The following PDGFD variants were observed in gnomAD, a reference collection of about 807,000 sequenced individuals.
PDGFD encodes the protein platelet derived growth factor D.
PDGFD carries 30 observed loss-of-function variants against 44.7 expected under a neutral mutation model. The ratio of observed to expected loss-of-function variants is 0.67; its 90% CI spans 0.50 to 0.91. The LOEUF (loss-of-function observed/expected upper bound fraction) is 0.91. Ranked by LOEUF, PDGFD falls within the 40% of genes least tolerant of loss-of-function variation. The pLI, the probability that PDGFD is intolerant of heterozygous loss-of-function variation, is 0.00. For synonymous variants in PDGFD, 173 were observed against 168.4 expected (o/e 1.03, Z -0.21); for missense variants, 445 against 457.8 (o/e 0.97, Z 0.25).
intron 1 of PDGFD, among the ~76,000 whole-genome samples, chr11:104,153,888 G>C (rs553772913): frequency 6.6e-6 from 1 of 152,036 alleles, no homozygotes; most frequent in Non-Finnish European, 1.5e-5. Flanking sequence ...GAGAAGCAGT[G>C]AGAAAAGTGA....
chr11:104,066,970 C>T (rs951030632), intron 1 of PDGFD, among the ~76,000 whole-genome samples: 4 of 152,126 alleles, frequency 2.6e-5, no homozygotes, highest in African/African-American at 9.7e-5. Flanking sequence ...TTATTGTGGA[C>T]CAAATATGGT....
At chr11:104,087,452 C>G (rs1308904187) in intron 1 of PDGFD, among the ~76,000 whole-genome samples, 1 of 152,116 alleles carries the variant, frequency 6.6e-6, no homozygotes, top group African/African-American at 2.4e-5. Flanking sequence ...CATGATCCAC[C>G]CGCCTCAGTC....
At position 103,909,337 on chromosome 11, in the gene PDGFD, A is replaced by C. The variant is rs1400544024; in HGVS notation, c.*357T>G. ...TGACCATCCCTTATTTTGGCAAAGG[A>C]TTTTAAGAGTCTAACTCAAACATAT... is the stretch of plus-strand genomic sequence containing the variant. On this transcript the variant is annotated 3_prime_UTR_variant, in exon 7 of 7. Transcript: ENST00000393158. 1 of 160,704 alleles carries C rather than the reference A, an allele frequency of 6.2e-6. No homozygotes were observed. Among genetic ancestry groups the C allele is most frequent in the Non-Finnish European group, 1.4e-5 (1 of 73,712 alleles). The allele number at this position is 160,704 out of a possible 1,614,324, so 10.0% of individuals were successfully genotyped here.
intron 1 of PDGFD, among the ~76,000 whole-genome samples, chr11:104,051,191 T>C (rs533358851): frequency 1.8e-4 from 27 of 152,304 alleles, no homozygotes; most frequent in African/African-American, 6.3e-4. Flanking sequence ...CACTCAATAG[T>C]AGCAAAGAAA....
chr11:103,999,187 A>G (rs1336109326), intron 2 of PDGFD, among the ~76,000 whole-genome samples: 1 of 152,218 alleles, frequency 6.6e-6, no homozygotes, highest in Admixed American at 6.5e-5. Flanking sequence ...TAAACATGCA[A>G]CAGAGGACAA....
At chr11:104,078,287 A>G (rs970155917) in intron 1 of PDGFD, among the ~76,000 whole-genome samples, 2 of 152,206 alleles carry the variant, frequency 1.3e-5, no homozygotes, top group Non-Finnish European at 2.9e-5. Flanking sequence ...GGCTGGTTAC[A>G]TGGACATCTT....
At chr11:103,957,817 C>T (rs553020501) in intron 3 of PDGFD, among the ~76,000 whole-genome samples, 21 of 152,110 alleles carry the variant, frequency 1.4e-4, no homozygotes, top group African/African-American at 4.3e-4. Flanking sequence ...AGAGGGGTGC[C>T]GCATACCAAG....
intron 4 of PDGFD, chr11:103,946,301 T>TA (rs1453958449): frequency 1.3e-5 from 2 of 152,206 alleles, no homozygotes; most frequent in Non-Finnish European, 2.9e-5. Flanking sequence ...AGCTTGGTCT[T>TA]ACAAGAGAGT....
At chr11:104,141,207 A>C (rs1308442509) in intron 1 of PDGFD, among the ~76,000 whole-genome samples, 1 of 152,180 alleles carries the variant, frequency 6.6e-6, no homozygotes, top group Non-Finnish European at 1.5e-5. Context: ...TACTCCCCAG[A>C]TTCAGCTTTT....
chr11:104,108,198 T>C (rs1457255533), intron 1 of PDGFD, among the ~76,000 whole-genome samples: 2 of 152,048 alleles, frequency 1.3e-5, no homozygotes, highest in African/African-American at 2.4e-5. Context: ...AAAGCCAAAA[T>C]TGACAAATGG....
At chr11:103,985,642 GT>G (rs1455372959) in intron 3 of PDGFD, among the ~76,000 whole-genome samples, 1 of 149,412 alleles carries the variant, frequency 6.7e-6, no homozygotes, top group African/African-American at 2.6e-5. Flanking sequence ...TCAGGGAATA[GT>G]TCTGTTTGTC....
intron 2 of PDGFD, among the ~76,000 whole-genome samples, chr11:103,997,975 C>T (rs921354694): frequency 1.5e-4 from 23 of 152,092 alleles, no homozygotes; most frequent in Non-Finnish European, 2.1e-4. Context: ...ATTAATGGTT[C>T]AGAAAGGAAA....
intron 1 of PDGFD, among the ~76,000 whole-genome samples, chr11:104,129,218 C>CT (rs111924546): frequency 1.2e-3 from 179 of 147,124 alleles, no homozygotes; most frequent in African/African-American, 1.9e-3. Context: ...CTGTCATCAT[C>CT]TTTTTTTTTT....
intron 1 of PDGFD, 107 bp from the exon 2 acceptor site, chr11:104,000,362 T>C: frequency 2.0e-6 from 2 of 998,346 alleles, no homozygotes; most frequent in Non-Finnish European, 3.0e-6. Flanking sequence ...ACTTCTTTAT[T>C]TTGCCTAAAA....
At chr11:104,011,241 A>G (rs1220507767) in intron 1 of PDGFD, among the ~76,000 whole-genome samples, 1 of 152,020 alleles carries the variant, frequency 6.6e-6, no homozygotes, top group Non-Finnish European at 1.5e-5. Context: ...TTTCTTAGTC[A>G]CTTCTGACTA....
intron 1 of PDGFD, among the ~76,000 whole-genome samples, chr11:104,114,705 A>C (rs1183159110): frequency 1.3e-5 from 2 of 152,000 alleles, no homozygotes; most frequent in Non-Finnish European, 2.9e-5. Context: ...ATATATTGAC[A>C]ATATTGAATC....
intron 1 of PDGFD, among the ~76,000 whole-genome samples, chr11:104,087,451 C>A (rs1408369041): frequency 6.6e-6 from 1 of 152,120 alleles, no homozygotes; most frequent in Non-Finnish European, 1.5e-5. Flanking sequence ...TCATGATCCA[C>A]CCGCCTCAGT....
chr11:103,978,540 GT>G (rs5794286), intron 3 of PDGFD, among the ~76,000 whole-genome samples: 1 of 151,736 alleles, frequency 6.6e-6, no homozygotes, highest in African/African-American at 2.4e-5. Flanking sequence ...AGCCTACTGA[GT>G]TTTTTTTAAT....
chr11:104,101,542 C>A (rs565024688), intron 1 of PDGFD, among the ~76,000 whole-genome samples: 1 of 152,254 alleles, frequency 6.6e-6, no homozygotes, highest in South Asian at 2.1e-4. Flanking sequence ...CATCAAGCTA[C>A]CAATGACTTT....
Sources: allele counts gnomAD v4.1 joint callset (sites outside exome capture counted in the v4.1 genomes callset), GRCh38; gene constraint gnomAD v4.1.1; transcripts MANE v1.5; gene names NCBI Gene and HGNC (gene_info 2026-07-23, HGNC 2026-07-21).